The following RARB variants were observed in gnomAD, a reference collection of about 807,000 sequenced individuals.
The protein encoded by RARB is HBV-activated protein.
In RARB, 17 loss-of-function variants were observed where a neutral mutation model predicts 51.9. That is an observed-to-expected ratio of 0.33 (90% confidence interval 0.22 to 0.49). The LOEUF (loss-of-function observed/expected upper bound fraction) is 0.49. Ranked by LOEUF, RARB falls within the 20% of genes least tolerant of loss-of-function variation. The pLI, the probability that RARB is intolerant of heterozygous loss-of-function variation, is 0.99. For synonymous variants in RARB, 215 were observed against 195.4 expected (o/e 1.10, Z -0.84); for missense variants, 369 against 550.8 (o/e 0.67, Z 3.30).
chr3:24,974,740 G>A (rs1696473842), intron 2 of RARB, among the ~76,000 whole-genome samples: 1 of 152,122 alleles, frequency 6.6e-6, no homozygotes. Flanking sequence ...ATGAGTATCA[G>A]CAAATGTAAA....
chr3:25,162,506 C>A (rs1700489144), intron 4 of RARB, among the ~76,000 whole-genome samples: 1 of 152,114 alleles, frequency 6.6e-6, no homozygotes, highest in African/African-American at 2.4e-5. Flanking sequence ...ATTTGTGCAC[C>A]ATCATCACAA....
intron 5 of RARB, among the ~76,000 whole-genome samples, chr3:25,229,860 G>A (rs1702136854): frequency 6.6e-6 from 1 of 152,104 alleles, no homozygotes; most frequent in African/African-American, 2.4e-5. Context: ...AGAGGTAATG[G>A]ATGAGCTGGG....
chr3:25,579,297 T>C (rs1701072368), intron 4 of RARB, among the ~76,000 whole-genome samples: 1 of 152,250 alleles, frequency 6.6e-6, no homozygotes, highest in Non-Finnish European at 1.5e-5. Flanking sequence ...TACAGTCACA[T>C]AACCTGACTC....
At chr3:24,830,047 G>A (rs945633100) in intron 1 of RARB, among the ~76,000 whole-genome samples, 2 of 152,194 alleles carry the variant, frequency 1.3e-5, no homozygotes, top group African/African-American at 4.8e-5. Flanking sequence ...CACATGGCAG[G>A]AGTTGGAGAA....
intron 2 of RARB, among the ~76,000 whole-genome samples, chr3:24,886,154 A>G (rs1347462407): frequency 6.6e-6 from 1 of 152,102 alleles, no homozygotes; most frequent in Non-Finnish European, 1.5e-5. Flanking sequence ...GGAAAACACT[A>G]TTTTCGCCTC....
At chr3:24,885,077 A>G (rs1703242947) in intron 2 of RARB, among the ~76,000 whole-genome samples, 1 of 152,104 alleles carries the variant, frequency 6.6e-6, no homozygotes, top group Non-Finnish European at 1.5e-5. Flanking sequence ...AGCTGGCCAG[A>G]ATCTGTTATG....
intron 4 of RARB, among the ~76,000 whole-genome samples, chr3:25,576,705 A>G (rs1311168319): frequency 6.6e-6 from 1 of 152,044 alleles, no homozygotes; most frequent in Admixed American, 6.6e-5. Context: ...GCCCTCTCCC[A>G]TTGCCCTTTG....
intron 2 of RARB, among the ~76,000 whole-genome samples, chr3:24,877,345 A>ATTTTTTTTTTTTTTTTTTTTTTTTTT (rs1559379782): frequency 5.6e-5 from 1 of 17,764 alleles, no homozygotes. Flanking sequence ...AAGCAATCTT[A>ATTTTTTTTTTTTTTTTTTTTTTTTTT]CTTTTTTTTT....
chr3:24,997,547 G>A (rs1208946807), intron 2 of RARB, among the ~76,000 whole-genome samples: 1 of 151,874 alleles, frequency 6.6e-6, no homozygotes, highest in African/African-American at 2.4e-5. Flanking sequence ...TTTTGCAGTT[G>A]GGTGGTTTTC....
chr3:25,148,300 T>A (rs1700227163), intron 4 of RARB, among the ~76,000 whole-genome samples: 1 of 152,206 alleles, frequency 6.6e-6, no homozygotes, highest in Non-Finnish European at 1.5e-5. Flanking sequence ...TTTCAATTAA[T>A]AGATGGCAGA....
At chr3:25,252,046 T>C (rs1052328405) in intron 5 of RARB, among the ~76,000 whole-genome samples, 5 of 152,196 alleles carry the variant, frequency 3.3e-5, no homozygotes. Flanking sequence ...TGATGTGAGA[T>C]AGGGGTCTAA....
intron 5 of RARB, among the ~76,000 whole-genome samples, chr3:25,268,149 T>C (rs1007653117): frequency 6.6e-6 from 1 of 152,198 alleles, no homozygotes; most frequent in African/African-American, 2.4e-5. Flanking sequence ...CTTCCTCTTT[T>C]AATCTTTTAA....
chr3:25,309,284 G>A (rs747404972), intron 5 of RARB, among the ~76,000 whole-genome samples: 3 of 149,512 alleles, frequency 2.0e-5, no homozygotes, highest in African/African-American at 4.9e-5. Context: ...ACAGGCACCC[G>A]CCATCATGCC....
intron 2 of RARB, among the ~76,000 whole-genome samples, chr3:25,465,645 G>A (rs766567476): frequency 3.9e-5 from 6 of 152,106 alleles, no homozygotes; most frequent in African/African-American, 1.2e-4. Flanking sequence ...AATGGTCAGC[G>A]GCTGCTGTAT....
chr3:25,177,382 ATACT>A, intron 5 of RARB, among the ~76,000 whole-genome samples: 1 of 152,212 alleles, frequency 6.6e-6, no homozygotes, highest in South Asian at 2.1e-4. Context: ...AGCAACACAC[ATACT>A]TGGGTGGAAA....
chr3:25,361,077 C>G lies in RARB; in HGVS notation c.179-100116C>G, dbSNP rs1705918405. 2.6e-5 allele frequency among the ~76,000 whole-genome samples: 4 copies of G among 152,146 alleles called. No homozygotes were observed. In the South Asian group the frequency reaches 8.3e-4, roughly 32 times the overall value. ...GGATAATATCCTGAAGTGTGTTTTCCAATTTGATTTCATTCTCCCTGTCAC... is the reference window on the plus strand; with the variant it reads ...GGATAATATCCTGAAGTGTGTTTTCGAATTTGATTTCATTCTCCCTGTCAC... On this transcript the variant is annotated intron_variant, in intron 5 of 11. Transcript: ENST00000383772.
chr3:25,130,937 A>ATATTATCAATATTTATCATTGATAATAT (rs71057699), intron 3 of RARB, among the ~76,000 whole-genome samples: 1,018 of 64,128 alleles, frequency 0.016, 18 homozygotes, highest in African/African-American at 0.081. Flanking sequence ...ATCATTGATA[A>ATATTATCAATATTTATCATTGATAATAT]TATCAATATT....
intron 2 of RARB, among the ~76,000 whole-genome samples, chr3:25,489,288 G>A (rs1283315648): frequency 1.3e-5 from 2 of 152,162 alleles, no homozygotes; most frequent in Non-Finnish European, 2.9e-5. Flanking sequence ...AGGAGCCTGT[G>A]GGTGAAATTT....
At chr3:25,374,769 T>C (rs1488541844) in intron 5 of RARB, among the ~76,000 whole-genome samples, 1 of 152,188 alleles carries the variant, frequency 6.6e-6, no homozygotes, top group Non-Finnish European at 1.5e-5. Flanking sequence ...GGATTCAACC[T>C]AAACGTGTCT....
Sources: gnomAD v4.1 joint callset for allele counts (sites outside exome capture counted in the v4.1 genomes callset) on GRCh38, gnomAD v4.1.1 for gene constraint, MANE v1.5 for transcripts, NCBI Gene and HGNC (gene_info 2026-07-23, HGNC 2026-07-21) for gene names.